The following SLC35F2 variants were observed in gnomAD, a reference collection of about 807,000 sequenced individuals.
The protein encoded by SLC35F2 is solute carrier family 35 member F2.
SLC35F2 carries 25 observed loss-of-function variants against 38.1 expected under a neutral mutation model. The observed-to-expected ratio is 0.66, with a 90% CI of 0.48 to 0.92. SLC35F2 has a LOEUF of 0.92. Ranked by LOEUF, SLC35F2 falls within the 40% of genes least tolerant of loss-of-function variation. The pLI, the probability that SLC35F2 is intolerant of heterozygous loss-of-function variation, is 0.00. For missense variants in SLC35F2, 409 were observed against 452.9 expected, an observed-to-expected ratio of 0.90 and a Z score of 0.88; for synonymous variants, 173 against 181.7, an observed-to-expected ratio of 0.95 and a Z score of 0.38.
intron 1 of SLC35F2, among the ~76,000 whole-genome samples, chr11:107,856,121 A>AAAG (rs1284938011): frequency 6.9e-6 from 1 of 145,632 alleles, no homozygotes; most frequent in Admixed American, 7.0e-5. Flanking sequence ...AAAAAAAAAA[A>AAAG]AAGAAGAAGA....
chr11:107,831,340 C>T (rs76920397), intron 1 of SLC35F2, among the ~76,000 whole-genome samples: 1 of 152,180 alleles, frequency 6.6e-6, no homozygotes, highest in African/African-American at 2.4e-5. Flanking sequence ...CCCATCTCAG[C>T]CTACCACATA....
intron 1 of SLC35F2, among the ~76,000 whole-genome samples, chr11:107,838,802 T>C (rs527422636): frequency 6.6e-6 from 1 of 151,330 alleles, no homozygotes; most frequent in African/African-American, 2.4e-5. Flanking sequence ...CTTATTTTCA[T>C]ATTTTTAGTA....
intron 1 of SLC35F2, among the ~76,000 whole-genome samples, chr11:107,846,246 G>A (rs1860103138): frequency 6.6e-6 from 1 of 151,670 alleles, no homozygotes; most frequent in Admixed American, 6.6e-5. Context: ...CAACCTGGGA[G>A]AAAAAAGGCT....
chr11:107,828,118 C>T (rs1352069000), intron 1 of SLC35F2, among the ~76,000 whole-genome samples: 1 of 152,110 alleles, frequency 6.6e-6, no homozygotes, highest in African/African-American at 2.4e-5. Flanking sequence ...GACTGAAACA[C>T]CTCAAATGTT....
intron 1 of SLC35F2, among the ~76,000 whole-genome samples, chr11:107,853,821 T>A (rs926192949): frequency 4.0e-5 from 6 of 151,758 alleles, no homozygotes; most frequent in Non-Finnish European, 8.8e-5. Context: ...GAAAAGCTTA[T>A]TTATCTATTT....
intron 1 of SLC35F2, among the ~76,000 whole-genome samples, chr11:107,846,441 T>G (rs1237988692): frequency 1.4e-5 from 2 of 146,490 alleles, no homozygotes. Flanking sequence ...TTTTAAGTAA[T>G]TTTTTTTTTC....
At chr11:107,797,839 G>A (rs754804971) in intron 7 of SLC35F2, among the ~76,000 whole-genome samples, 1 of 152,048 alleles carries the variant, frequency 6.6e-6, no homozygotes, top group Non-Finnish European at 1.5e-5. Flanking sequence ...TCCTACCACT[G>A]ATTTTCATTC....
chr11:107,821,702 T>G, intron 1 of SLC35F2: 1 of 818,492 alleles, frequency 1.2e-6, no homozygotes. Context: ...CCTTGGGATA[T>G]ATCCTGTCCC....
At chr11:107,842,648 T>C (rs1320677789) in intron 1 of SLC35F2, among the ~76,000 whole-genome samples, 1 of 152,182 alleles carries the variant, frequency 6.6e-6, no homozygotes, top group East Asian at 1.9e-4. Flanking sequence ...GCCTGCCCAG[T>C]AGCTGGGACT....
At chr11:107,836,753 C>T (rs963608141) in intron 1 of SLC35F2, among the ~76,000 whole-genome samples, 1 of 152,120 alleles carries the variant, frequency 6.6e-6, no homozygotes, top group Non-Finnish European at 1.5e-5. Flanking sequence ...GGCTTTCTGA[C>T]CTACAGAACA....
chr11:107,801,063 C>T (rs937255431), intron 7 of SLC35F2, among the ~76,000 whole-genome samples: 1 of 152,062 alleles, frequency 6.6e-6, no homozygotes, highest in Non-Finnish European at 1.5e-5. Context: ...TGCCACCACA[C>T]CCTGCTAATT....
intron 1 of SLC35F2, among the ~76,000 whole-genome samples, chr11:107,853,751 AATGAATAAACC>A (rs1244460531): frequency 6.7e-6 from 1 of 150,002 alleles, no homozygotes; most frequent in Admixed American, 6.7e-5. Flanking sequence ...AGAAAGAATC[AATGAATAAACC>A]ATGTCCAGCA....
At chr11:107,835,501 A>G (rs1388587815) in intron 1 of SLC35F2, among the ~76,000 whole-genome samples, 1 of 151,946 alleles carries the variant, frequency 6.6e-6, no homozygotes, top group Non-Finnish European at 1.5e-5. Flanking sequence ...CAGTGGCATA[A>G]TCAGGGTTCA....
chr11:107,853,746 G>C (rs1432473033), intron 1 of SLC35F2, among the ~76,000 whole-genome samples: 1 of 127,832 alleles, frequency 7.8e-6, no homozygotes, highest in African/African-American at 2.8e-5. Flanking sequence ...AAAAAAGAAA[G>C]AATCAATGAA....
At position 107,792,607 on chromosome 11, in the gene SLC35F2, T is replaced by G; in HGVS notation, c.*8A>C. Reference sequence around the variant, plus strand: ...CCTGGTGGGGGATGGGTGCGCCATCTTCTCCAGCTACAAGACAGCAGAGTG... The same window carrying G: ...CCTGGTGGGGGATGGGTGCGCCATCGTCTCCAGCTACAAGACAGCAGAGTG... On this transcript the variant is annotated 3_prime_UTR_variant, in exon 8 of 8. Coordinates refer to ENST00000525815, the MANE Select transcript of SLC35F2 (RefSeq NM_017515.5). 6.2e-7 allele frequency: 1 copy of G among 1,601,836 alleles called. No individual in the cohort carries two copies. The highest frequency in any genetic ancestry group is 1.3e-5 in the African/African-American group (1 of 74,786).
At chr11:107,793,790 C>T (rs909736838) in intron 7 of SLC35F2, among the ~76,000 whole-genome samples, 6 of 152,118 alleles carry the variant, frequency 3.9e-5, no homozygotes, top group African/African-American at 1.4e-4. Context: ...GCATCTCATA[C>T]ACTCTCTGTT....
chr11:107,820,999 G>A (rs1046408871), intron 1 of SLC35F2, among the ~76,000 whole-genome samples: 2 of 152,004 alleles, frequency 1.3e-5, no homozygotes, highest in African/African-American at 4.8e-5. Flanking sequence ...CCTGTACCTC[G>A]CCTTGCTGTC....
At position 107,806,879 on chromosome 11, in the gene SLC35F2, G is replaced by T; in HGVS notation, c.415-3C>A. The T allele has an allele frequency of 1.1e-5, 17 of 1,612,302 alleles. No individual in the cohort carries two copies. The highest frequency in any genetic ancestry group is 1.4e-5 in the Non-Finnish European group (17 of 1,178,928). On this transcript the variant is annotated splice_region_variant and splice_polypyrimidine_tract_variant and intron_variant, in intron 3 of 7. Transcript: ENST00000525815. ...GGAATCCCAAAGCAATCCAAAAGCT[G>T]CATGGAAAGAGAATCAACAGTTTAA...
At chr11:107,845,369 G>A (rs755278228) in intron 1 of SLC35F2, among the ~76,000 whole-genome samples, 8 of 151,970 alleles carry the variant, frequency 5.3e-5, no homozygotes, top group African/African-American at 7.3e-5. Context: ...TCTGAGCCCA[G>A]GAGTTCAAGA....
Sources: allele counts gnomAD v4.1 joint callset (sites outside exome capture counted in the v4.1 genomes callset), GRCh38; gene constraint gnomAD v4.1.1; transcripts MANE v1.5; gene names NCBI Gene and HGNC (gene_info 2026-07-23, HGNC 2026-07-21).